Variants in ESR1 observed in about 807,000 individuals in gnomAD.
The protein encoded by ESR1 is estrogen receptor.
ESR1 carries 12 observed loss-of-function variants against 52.7 expected under a neutral mutation model. The ratio of observed to expected loss-of-function variants is 0.23; its 90% confidence interval spans 0.15 to 0.37. The LOEUF (loss-of-function observed/expected upper bound fraction) is 0.37. Among genes scored for constraint, ESR1 ranks in the 10% least tolerant of loss-of-function variants. The pLI, the probability that ESR1 is intolerant of heterozygous loss-of-function variation, is 1.00. For missense variants in ESR1, 584 were observed against 779.7 expected, an observed-to-expected ratio of 0.75 and a Z score of 2.99; for synonymous variants, 305 against 316.8, an observed-to-expected ratio of 0.96 and a Z score of 0.39.
rs11757352 is a variant in ESR1 at position 151,750,356 on chromosome 6, G to A, written c.-71+48351G>A. Among the ~76,000 whole-genome samples, 495 of 152,252 alleles carry A rather than the reference G, an allele frequency of 3.3e-3. 3 individuals carry two copies. The highest frequency in any genetic ancestry group is 0.01 in the Middle Eastern group (3 of 294). On this transcript the variant is annotated intron_variant, in intron 2 of 2. Transcript: ENST00000404742. Reference sequence around the variant, plus strand: ...AAATCGTTCTCAGCAATGGCAGTTTGGACACTGATGGACAGTTGGTGACTG... The same window carrying A: ...AAATCGTTCTCAGCAATGGCAGTTTAGACACTGATGGACAGTTGGTGACTG...
In ESR1 at chr6:152,103,108, T is replaced by C. The variant is rs3798757; in HGVS notation, c.*4142T>C. Reference sequence around the variant, plus strand: ...ATGGATTAATATGCCCTTTTGCCGATGCATACTATTACTGATGTGACTCGG... The same window carrying C: ...ATGGATTAATATGCCCTTTTGCCGACGCATACTATTACTGATGTGACTCGG... On this transcript the variant is annotated 3_prime_UTR_variant, in exon 8 of 8. Coordinates refer to ENST00000206249, the MANE Select transcript of ESR1 (RefSeq NM_000125.4). 6.3e-3 allele frequency: 1,374 copies of C among 218,392 alleles called. 61 individuals are homozygous for C. The East Asian group carries it at 0.088, about 14-fold the overall frequency. 13.5% of individuals were successfully genotyped at this position (218,392 alleles called of 1,614,324 possible). A position where few individuals can be genotyped will look rare whatever the true frequency, so the allele number is the denominator to read the frequency against.
intron 1 of ESR1, among the ~76,000 whole-genome samples, chr6:151,685,328 T>C (rs1422886668): frequency 6.6e-6 from 1 of 151,044 alleles, no homozygotes; most frequent in African/African-American, 2.4e-5. Flanking sequence ...AGAGACGGGG[T>C]TTCACCTTGT....
At chr6:152,056,702 G>T (rs753300597) in intron 5 of ESR1, among the ~76,000 whole-genome samples, 8 of 152,110 alleles carry the variant, frequency 5.3e-5, no homozygotes, top group Non-Finnish European at 8.8e-5. Flanking sequence ...GCAGAACAAG[G>T]CTCCCCACAA....
intron 4 of ESR1, among the ~76,000 whole-genome samples, chr6:151,996,501 C>G (rs2041498540): frequency 6.6e-6 from 1 of 152,042 alleles, no homozygotes; most frequent in African/African-American, 2.4e-5. Context: ...CGTGGACTCC[C>G]CACTGATTCA....
intron 6 of ESR1, among the ~76,000 whole-genome samples, chr6:152,063,732 C>T (rs920820602): frequency 1.3e-5 from 2 of 152,140 alleles, no homozygotes; most frequent in African/African-American, 2.4e-5. Flanking sequence ...ACTCTGACTC[C>T]AGGAATCTCT....
intron 5 of ESR1, among the ~76,000 whole-genome samples, chr6:152,051,182 G>A (rs186939730): frequency 7.9e-5 from 12 of 152,068 alleles, no homozygotes; most frequent in African/African-American, 2.9e-4. Context: ...ACAGTTTTCT[G>A]ATTTCATTTT....
intron 4 of ESR1, among the ~76,000 whole-genome samples, chr6:151,976,247 T>C (rs1205827121): frequency 1.3e-5 from 2 of 152,186 alleles, no homozygotes; most frequent in African/African-American, 4.8e-5. Flanking sequence ...AGTGTGATTG[T>C]TATTTGATAC....
intron 5 of ESR1, among the ~76,000 whole-genome samples, chr6:152,022,406 T>C (rs756772691): frequency 4.6e-5 from 7 of 152,076 alleles, no homozygotes; most frequent in Non-Finnish European, 8.8e-5. Flanking sequence ...ATCCTGAAGG[T>C]TATTCCAGGC....
intron 4 of ESR1, among the ~76,000 whole-genome samples, chr6:151,962,612 A>C (rs1014811146): frequency 2.6e-5 from 4 of 152,228 alleles, no homozygotes; most frequent in African/African-American, 7.2e-5. Flanking sequence ...AACCAACCAA[A>C]CAAACAAAAC....
intron 3 of ESR1, among the ~76,000 whole-genome samples, chr6:151,941,878 T>G (rs77115002): frequency 0.01 from 1,538 of 152,362 alleles, 18 homozygotes; most frequent in African/African-American, 0.036. Context: ...TGAACCCGTC[T>G]TATGCAGAAC....
intron 1 of ESR1, among the ~76,000 whole-genome samples, chr6:151,809,528 A>G (rs887379756): frequency 1.3e-5 from 2 of 152,188 alleles, no homozygotes; most frequent in Non-Finnish European, 2.9e-5. Flanking sequence ...TCCCAACTGT[A>G]CACTGGTATC....
intron 2 of ESR1, among the ~76,000 whole-genome samples, chr6:151,758,061 T>C (rs889237808): frequency 6.6e-6 from 1 of 152,126 alleles, no homozygotes; most frequent in Admixed American, 6.5e-5. Flanking sequence ...TCCCTGGGAG[T>C]TTTGAATGTG....
rs33912086 is a variant in ESR1 at position 152,100,156 on chromosome 6, C to T, written c.*1190C>T. 1.8e-3 allele frequency: 704 copies of T among 398,474 alleles called. 6 individuals carry two copies. Among genetic ancestry groups the T allele is most frequent in the African/African-American group, 0.013 (635 of 48,746 alleles). The allele number at this position is 398,474 out of a possible 1,614,324, so 24.7% of individuals were successfully genotyped here. ...ACCCCGCATTGCCCTTTGGGGGTGC[C>T]CTGGGATCCCTGGGGTAGTCCAGCT... On this transcript the variant is annotated 3_prime_UTR_variant, in exon 8 of 8. Transcript: ENST00000206249.
chr6:151,900,257 A>G (rs1223521484), intron 3 of ESR1, among the ~76,000 whole-genome samples: 1 of 152,078 alleles, frequency 6.6e-6, no homozygotes, highest in Non-Finnish European at 1.5e-5. Flanking sequence ...AACATTTTGC[A>G]TTTCTCTAAG....
intron 5 of ESR1, among the ~76,000 whole-genome samples, chr6:152,057,265 C>A (rs2047176106): frequency 6.6e-6 from 1 of 152,094 alleles, no homozygotes; most frequent in Admixed American, 6.6e-5. Context: ...TGTAATAATG[C>A]TAGTGAGAGA....
chr6:152,015,609 T>C (rs567995968), intron 5 of ESR1, among the ~76,000 whole-genome samples: 1 of 152,318 alleles, frequency 6.6e-6, no homozygotes, highest in South Asian at 2.1e-4. Context: ...CCCAGGTGGC[T>C]TGTGGCCAAA....
At chr6:152,107,680 T>G (rs1023933249), downstream of ESR1, among the ~76,000 whole-genome samples, 2 of 152,232 alleles carry the variant, frequency 1.3e-5, no homozygotes, top group Non-Finnish European at 2.9e-5. Context: ...TAATTTTTAT[T>G]GAAAACTGAA....
intron 1 of ESR1, among the ~76,000 whole-genome samples, chr6:151,695,102 C>G (rs1779238110): frequency 6.6e-6 from 1 of 152,160 alleles, no homozygotes; most frequent in African/African-American, 2.4e-5. Flanking sequence ...GGGATGCTCT[C>G]TGATTTCTTT....
intron 2 of ESR1, among the ~76,000 whole-genome samples, chr6:151,720,782 A>T (rs1781398600): frequency 6.6e-6 from 1 of 152,234 alleles, no homozygotes; most frequent in Non-Finnish European, 1.5e-5. Flanking sequence ...GTTGTCTAAC[A>T]TACATTTGAG....
Sources: gnomAD v4.1 joint callset for allele counts (sites outside exome capture counted in the v4.1 genomes callset) on GRCh38, gnomAD v4.1.1 for gene constraint, MANE v1.5 for transcripts, NCBI Gene and HGNC (gene_info 2026-07-23, HGNC 2026-07-21) for gene names.